BBS9: variants seen among roughly 807,000 people sequenced by gnomAD.
The protein encoded by BBS9 is protein PTHB1.
Under a neutral mutation model 117.7 loss-of-function variants are expected in BBS9, and 89 were observed. The ratio of observed to expected loss-of-function variants is 0.76; its 90% CI spans 0.64 to 0.90. BBS9 has a LOEUF of 0.90. BBS9 is among the 40% of genes least tolerant of loss of function. The pLI is 0.00. For synonymous variants in BBS9, 379 were observed against 370.9 expected, an observed-to-expected ratio of 1.02 and a Z score of -0.25; for missense variants, 982 against 1,042.2, an observed-to-expected ratio of 0.94 and a Z score of 0.80.
intron 19 of BBS9, among the ~76,000 whole-genome samples, chr7:33,501,923 T>A (rs1845504893): frequency 6.6e-6 from 1 of 152,074 alleles, no homozygotes; most frequent in East Asian, 1.9e-4. Context: ...CTATTCTTTT[T>A]TTTTTTGAGA....
chr7:33,284,047 G>T (rs551940081), intron 9 of BBS9, among the ~76,000 whole-genome samples: 3 of 152,184 alleles, frequency 2.0e-5, no homozygotes, highest in Admixed American at 6.5e-5. Context: ...CAGGTATAGG[G>T]CCATATCTTT....
At chr7:33,219,688 AG>A (rs1241948587) in intron 5 of BBS9, among the ~76,000 whole-genome samples, 7 of 152,270 alleles carry the variant, frequency 4.6e-5, no homozygotes, top group Admixed American at 2.0e-4. Context: ...TGTCTAGCTC[AG>A]GGATTATAAA....
Position 33,505,602 on chromosome 7 carries a change from T to A in BBS9, c.2255T>A (p.Leu752Gln). The A allele has an allele frequency of 6.2e-7, 1 of 1,614,026 alleles. No individual in the cohort carries two copies. Among genetic ancestry groups the A allele is most frequent in the Non-Finnish European group, 8.5e-7 (1 of 1,179,968 alleles). The stretch of plus-strand genomic sequence containing the variant: ...CTTAGTGCTGACCAGGTTGCTATTC[T>A]GGAAGCGGCATTTCTGCCGCTACAA... Reference protein sequence around the residue: ...QKLSADQVAILEAAFLPLQED... With the variant: ...QKLSADQVAIQEAAFLPLQED... Residue 752 changes from leucine (L) to glutamine (Q), a missense_variant, in exon 20 of 23, where the codon CTG (leucine) becomes CAG (glutamine). By Grantham distance (113) the Leu-to-Gln change is moderately radical (BLOSUM62 -2). Coordinates refer to ENST00000242067, the MANE Select transcript of BBS9 (RefSeq NM_198428.3).
At chr7:33,426,106 G>A (rs568477741) in intron 19 of BBS9, among the ~76,000 whole-genome samples, 23 of 152,252 alleles carry the variant, frequency 1.5e-4, no homozygotes, top group South Asian at 4.2e-4. Context: ...GAAAATGTAC[G>A]GGAGTAGAAT....
chr7:33,449,312 C>T (rs1837435638), intron 19 of BBS9, among the ~76,000 whole-genome samples: 1 of 152,168 alleles, frequency 6.6e-6, no homozygotes, highest in Non-Finnish European at 1.5e-5. Context: ...GAATTACCAG[C>T]CATAGACAAT....
intron 9 of BBS9, among the ~76,000 whole-genome samples, chr7:33,331,036 C>G (rs897685676): frequency 6.6e-6 from 1 of 152,088 alleles, no homozygotes; most frequent in Non-Finnish European, 1.5e-5. Context: ...TACTAGCTAA[C>G]CGAATCTAAC....
intron 17 of BBS9, among the ~76,000 whole-genome samples, chr7:33,373,910 A>T (rs1823320936): frequency 6.6e-6 from 1 of 152,220 alleles, no homozygotes; most frequent in Non-Finnish European, 1.5e-5. Context: ...ATCATATGTC[A>T]TCTTGAACTG....
intron 9 of BBS9, among the ~76,000 whole-genome samples, chr7:33,320,229 C>A (rs1489283700): frequency 6.6e-6 from 1 of 151,928 alleles, no homozygotes; most frequent in African/African-American, 2.4e-5. Flanking sequence ...ACCCATTATC[C>A]ATCCTTCTCC....
At chr7:33,282,607 C>T (rs777070570) in intron 9 of BBS9, among the ~76,000 whole-genome samples, 3 of 151,996 alleles carry the variant, frequency 2.0e-5, no homozygotes, top group South Asian at 2.1e-4. Flanking sequence ...CTCCTGACCT[C>T]GTGAGTCACC....
At chr7:33,583,207 C>T (rs548851996) in intron 21 of BBS9, among the ~76,000 whole-genome samples, 6 of 152,174 alleles carry the variant, frequency 3.9e-5, no homozygotes, top group South Asian at 4.2e-4. Context: ...TCAGTACTTT[C>T]GTTTCCTCTC....
At chr7:33,261,898 A>G (rs1464085485) in intron 6 of BBS9, among the ~76,000 whole-genome samples, 1 of 152,210 alleles carries the variant, frequency 6.6e-6, no homozygotes, top group Non-Finnish European at 1.5e-5. Flanking sequence ...TTATTCTTTC[A>G]GCAATCTCGA....
chr7:33,452,792 AAG>A (rs2128919978), intron 19 of BBS9, among the ~76,000 whole-genome samples: 1 of 152,226 alleles, frequency 6.6e-6, no homozygotes, highest in East Asian at 1.9e-4. Context: ...AATCAGAAGA[AAG>A]AGAACAAAAA....
At chr7:33,231,556 G>A (rs1307782180) in intron 5 of BBS9, among the ~76,000 whole-genome samples, 1 of 150,276 alleles carries the variant, frequency 6.7e-6, no homozygotes, top group Non-Finnish European at 1.5e-5. Context: ...TAGCTATTTG[G>A]TTCCATATAA....
chr7:33,614,077 C>T (rs1303255768), intron 21 of BBS9, among the ~76,000 whole-genome samples: 1 of 152,000 alleles, frequency 6.6e-6, no homozygotes, highest in African/African-American at 2.4e-5. Flanking sequence ...AAACAGAAAT[C>T]CTGAGAGGTC....
intron 5 of BBS9, among the ~76,000 whole-genome samples, chr7:33,242,602 A>C (rs1794715930): frequency 6.6e-6 from 1 of 152,084 alleles, no homozygotes; most frequent in Non-Finnish European, 1.5e-5. Flanking sequence ...TTTATACAGT[A>C]ATTTTAGTCT....
intron 5 of BBS9, among the ~76,000 whole-genome samples, chr7:33,196,155 A>G (rs887295589): frequency 2.2e-4 from 33 of 152,140 alleles, no homozygotes; most frequent in African/African-American, 7.5e-4. Flanking sequence ...GAACTGAAGG[A>G]TAAGTCAGTC....
chr7:33,201,436 A>C (rs1156715767), intron 5 of BBS9, among the ~76,000 whole-genome samples: 2 of 152,112 alleles, frequency 1.3e-5, no homozygotes, highest in African/African-American at 4.8e-5. Flanking sequence ...AGCGAGCACA[A>C]ATTCCATAGA....
At chr7:33,320,034 A>G (rs1298924975) in intron 9 of BBS9, among the ~76,000 whole-genome samples, 1 of 152,184 alleles carries the variant, frequency 6.6e-6, no homozygotes, top group African/African-American at 2.4e-5. Context: ...ACAGGCATAC[A>G]ATGCTTAATA....
intron 19 of BBS9, among the ~76,000 whole-genome samples, chr7:33,406,596 T>G (rs1830041957): frequency 6.6e-6 from 1 of 152,212 alleles, no homozygotes; most frequent in Admixed American, 6.5e-5. Flanking sequence ...CCATGTTTAG[T>G]GCTTCCTTCA....
Sources: gnomAD v4.1 joint callset for allele counts (sites outside exome capture counted in the v4.1 genomes callset) on GRCh38, gnomAD v4.1.1 for gene constraint, MANE v1.5 for transcripts, NCBI Gene and HGNC (gene_info 2026-07-23, HGNC 2026-07-21) for gene names.